BBS9: variants seen among roughly 807,000 people sequenced by gnomAD.
BBS9 encodes protein PTHB1.
Under a neutral mutation model 117.7 loss-of-function variants are expected in BBS9, and 89 were observed. The ratio of observed to expected loss-of-function variants is 0.76; its 90% CI spans 0.64 to 0.90. The LOEUF (loss-of-function observed/expected upper bound fraction) is 0.90. Ranked by LOEUF, BBS9 falls within the 40% of genes least tolerant of loss-of-function variation. The pLI is 0.00. For missense variants in BBS9, 982 were observed against 1,042.2 expected (o/e 0.94, Z 0.80); for synonymous variants, 379 against 370.9 (o/e 1.02, Z -0.25).
At chr7:33,319,607 T>G (rs1220377541) in intron 9 of BBS9, among the ~76,000 whole-genome samples, 2 of 152,198 alleles carry the variant, frequency 1.3e-5, no homozygotes, top group Non-Finnish European at 2.9e-5. Flanking sequence ...GGTATTACAT[T>G]GTGGTTTTGA....
chr7:33,605,431 G>T lies in BBS9; in HGVS notation c.*205G>T. ...ACCATGGGGAAGTCAGCTGAAACTT[G>T]TCTTGTTTTGCCAGGAAAGGAAGTA... On this transcript the variant is annotated 3_prime_UTR_variant, in exon 23 of 23. Transcript: ENST00000242067. The T allele has an allele frequency of 3.2e-6, 2 of 617,958 alleles. No homozygotes were observed. The highest frequency in any genetic ancestry group is 5.8e-6 in the Non-Finnish European group (2 of 344,672). The allele number at this position is 617,958 out of a possible 1,614,324, so 38.3% of individuals were successfully genotyped here.
intron 19 of BBS9, among the ~76,000 whole-genome samples, chr7:33,465,430 T>A (rs531838204): frequency 3.6e-4 from 55 of 152,210 alleles, no homozygotes; most frequent in African/African-American, 1.3e-3. Flanking sequence ...ATGAATGTTA[T>A]TTTGCCCAAA....
chr7:33,155,292 G>T lies in BBS9; in HGVS notation c.264-346G>T, dbSNP rs534173169. 1.9e-3 allele frequency among the ~76,000 whole-genome samples: 292 copies of T among 152,182 alleles called. 3 individuals are homozygous for T. Among genetic ancestry groups the T allele is most frequent in the Middle Eastern group, 6.8e-3 (2 of 292 alleles). On this transcript the variant is annotated intron_variant, in intron 3 of 22. Transcript: ENST00000242067. ...AGGCTCAGGGAGATTTTAGTGACTT[G>T]CCCAAAGTCACGGATGAATTAGTCA... is the stretch of plus-strand genomic sequence containing the variant.
intron 21 of BBS9, among the ~76,000 whole-genome samples, chr7:33,588,179 C>T (rs1342644054): frequency 6.6e-6 from 1 of 152,100 alleles, no homozygotes; most frequent in Non-Finnish European, 1.5e-5. Context: ...CCTATTCAGT[C>T]TCACAAATTC....
chr7:33,371,909 TA>T, intron 17 of BBS9, among the ~76,000 whole-genome samples: 2 of 152,280 alleles, frequency 1.3e-5, no homozygotes, highest in South Asian at 4.1e-4. Context: ...GCTCAGATTT[TA>T]AAACAGAATT....
chr7:33,593,596 C>T (rs1233773186), intron 21 of BBS9, among the ~76,000 whole-genome samples: 2 of 152,144 alleles, frequency 1.3e-5, no homozygotes, highest in Non-Finnish European at 2.9e-5. Context: ...ACAGTACCTT[C>T]TCACCATATC....
chr7:33,147,447 A>C (rs1459938878), intron 2 of BBS9, among the ~76,000 whole-genome samples: 1 of 152,192 alleles, frequency 6.6e-6, no homozygotes, highest in Admixed American at 6.5e-5. Context: ...GAAGAGTGGG[A>C]GTACTAAACT....
At chr7:33,228,750 T>C (rs1209032042) in intron 5 of BBS9, among the ~76,000 whole-genome samples, 1 of 152,086 alleles carries the variant, frequency 6.6e-6, no homozygotes, top group African/African-American at 2.4e-5. Flanking sequence ...TGAGTCTAAG[T>C]GGGTTATTAT....
intron 21 of BBS9, among the ~76,000 whole-genome samples, chr7:33,572,450 A>G (rs1286321279): frequency 6.6e-6 from 1 of 152,132 alleles, no homozygotes; most frequent in African/African-American, 2.4e-5. Context: ...TCTTTTGGAT[A>G]TATATACAGC....
Position 33,177,487 on chromosome 7 carries a change from G to C in BBS9, c.338G>C (p.Gly113Ala). 1 of 1,608,544 alleles carries C rather than the reference G, an allele frequency of 6.2e-7. No individual in the cohort carries two copies. Among genetic ancestry groups the C allele is most frequent in the Non-Finnish European group, 8.5e-7 (1 of 1,176,394 alleles). ...LCVYSVSGTL[G>A]NVEHGNQCQM... Reference sequence around the variant, plus strand: ...TTTTTTTTTTCCTTAGGAACCTTGGGTAATGTGGAACATGGGAACCAATGT... The same window carrying C: ...TTTTTTTTTTCCTTAGGAACCTTGGCTAATGTGGAACATGGGAACCAATGT... The change falls in exon 5 of 23, where the codon GGT (glycine) becomes GCT (alanine). Residue 113 changes from glycine (G) to alanine (A), a missense_variant. Coordinates refer to ENST00000242067, the MANE Select transcript of BBS9 (RefSeq NM_198428.3).
intron 19 of BBS9, among the ~76,000 whole-genome samples, chr7:33,436,144 T>G (rs1563174092): frequency 2.6e-5 from 4 of 152,224 alleles, no homozygotes; most frequent in Admixed American, 1.3e-4. Context: ...CAACACAGTT[T>G]GGGCTGCCCT....
chr7:33,198,957 A>G (rs1266841971), intron 5 of BBS9, among the ~76,000 whole-genome samples: 1 of 151,994 alleles, frequency 6.6e-6, no homozygotes, highest in African/African-American at 2.4e-5. Context: ...CTAGTTCTCT[A>G]AAGGAATATG....
chr7:33,445,382 A>G (rs754372837), intron 19 of BBS9, among the ~76,000 whole-genome samples: 17 of 152,164 alleles, frequency 1.1e-4, no homozygotes, highest in Admixed American at 3.9e-4. Flanking sequence ...TTTCATAGCA[A>G]TTTTGCAAAA....
At chr7:33,565,548 T>G (rs907250671) in intron 21 of BBS9, among the ~76,000 whole-genome samples, 1 of 151,892 alleles carries the variant, frequency 6.6e-6, no homozygotes, top group East Asian at 1.9e-4. Flanking sequence ...TCCCTGTCTT[T>G]TTGTTTTCCA....
intron 5 of BBS9, among the ~76,000 whole-genome samples, chr7:33,211,234 G>A (rs963686270): frequency 3.3e-5 from 5 of 151,694 alleles, no homozygotes; most frequent in African/African-American, 1.2e-4. Flanking sequence ...GTTGTTGTGT[G>A]GTCTTCTCTT....
At chr7:33,450,217 T>G (rs1453715762) in intron 19 of BBS9, among the ~76,000 whole-genome samples, 1 of 152,240 alleles carries the variant, frequency 6.6e-6, no homozygotes, top group Non-Finnish European at 1.5e-5. Context: ...TTTCTTTCTT[T>G]TTAAAGGCTG....
chr7:33,167,641 C>T (rs1795907528), intron 4 of BBS9, among the ~76,000 whole-genome samples: 2 of 151,990 alleles, frequency 1.3e-5, no homozygotes, highest in Non-Finnish European at 2.9e-5. Flanking sequence ...CCTTGTGATC[C>T]ACCCTCCTCA....
chr7:33,426,469 C>T (rs1833675815), intron 19 of BBS9, among the ~76,000 whole-genome samples: 1 of 152,108 alleles, frequency 6.6e-6, no homozygotes. Flanking sequence ...TAACCTTGTA[C>T]AAGAGAGAAT....
intron 9 of BBS9, among the ~76,000 whole-genome samples, chr7:33,304,871 G>A (rs990403284): frequency 6.6e-6 from 1 of 152,046 alleles, no homozygotes; most frequent in African/African-American, 2.4e-5. Context: ...TGCTGTGTCA[G>A]CTCAGGGTTA....
Sources: allele counts gnomAD v4.1 joint callset (sites outside exome capture counted in the v4.1 genomes callset), GRCh38; gene constraint gnomAD v4.1.1; transcripts MANE v1.5; gene names NCBI Gene and HGNC (gene_info 2026-07-23, HGNC 2026-07-21).